LMBRD1: variants seen among roughly 807,000 people sequenced by gnomAD.
LMBRD1 encodes LMBR1 domain containing 1, also known as lysosomal cobalamin transport escort protein LMBD1.
LMBRD1 carries 64 observed loss-of-function variants against 74.8 expected under a neutral mutation model. That is an observed-to-expected ratio of 0.86 (90% CI 0.70 to 1.05). LMBRD1 has a LOEUF of 1.05. Among genes scored for constraint, LMBRD1 ranks in the 50% least tolerant of loss-of-function variants. The pLI is 0.00. For synonymous variants in LMBRD1, 204 were observed against 216.3 expected (o/e 0.94, Z 0.50); for missense variants, 652 against 645.9 (o/e 1.01, Z -0.10).
rs73485552 is a variant in LMBRD1 at position 69,732,199 on chromosome 6, C to T, written c.636+5743G>A. The stretch of plus-strand genomic sequence containing the variant: ...ACATGAACTGAATGTTTGTTTTCCC[C>T]TAAAATTCGTATGTTGAAATCTAAT... On this transcript the variant is annotated intron_variant, in intron 7 of 15. Coordinates refer to ENST00000649934, the MANE Select transcript of LMBRD1 (RefSeq NM_018368.4). Among the ~76,000 whole-genome samples the T allele has an allele frequency of 6.9e-3, 1,055 of 152,176 alleles. 15 individuals carry two copies. Among genetic ancestry groups the T allele is most frequent in the African/African-American group, 0.021 (882 of 41,514 alleles).
At chr6:69,689,873 G>A (rs1329581473) in intron 14 of LMBRD1, among the ~76,000 whole-genome samples, 1 of 152,004 alleles carries the variant, frequency 6.6e-6, no homozygotes, top group Non-Finnish European at 1.5e-5. Flanking sequence ...AGGTAAATCT[G>A]AAAAATAACG....
At chr6:69,727,764 C>T (rs1040411661) in intron 7 of LMBRD1, among the ~76,000 whole-genome samples, 4 of 151,288 alleles carry the variant, frequency 2.6e-5, no homozygotes, top group Non-Finnish European at 5.9e-5. Context: ...TTGAAAAATA[C>T]AAAGAATAAA....
At chr6:69,729,846 T>C (rs554280816) in intron 7 of LMBRD1, among the ~76,000 whole-genome samples, 1 of 152,010 alleles carries the variant, frequency 6.6e-6, no homozygotes, top group South Asian at 2.1e-4. Context: ...TATCAGGAAA[T>C]TTAACTACAA....
chr6:69,713,086 G>A (rs544934054), intron 9 of LMBRD1, among the ~76,000 whole-genome samples: 11 of 152,162 alleles, frequency 7.2e-5, no homozygotes, highest in Non-Finnish European at 1.5e-5. Context: ...AAACAAAAAT[G>A]TACACCAATA....
At chr6:69,744,126 A>G (rs1442926666) in intron 5 of LMBRD1, among the ~76,000 whole-genome samples, 2 of 152,240 alleles carry the variant, frequency 1.3e-5, no homozygotes, top group Admixed American at 1.3e-4. Flanking sequence ...AAAGTATACT[A>G]AATGAAATGG....
At chr6:69,796,033 C>T (rs369363800) in intron 1 of LMBRD1, among the ~76,000 whole-genome samples, 47 of 152,250 alleles carry the variant, frequency 3.1e-4, no homozygotes, top group African/African-American at 1.1e-3. Context: ...AATTGAACTC[C>T]CAAATAAACC....
intron 14 of LMBRD1, among the ~76,000 whole-genome samples, chr6:69,681,196 T>C (rs987369909): frequency 2.0e-5 from 3 of 151,766 alleles, no homozygotes; most frequent in Admixed American, 6.6e-5. Flanking sequence ...AAAGTGGCCA[T>C]ACAAAAAAGA....
intron 3 of LMBRD1, 101 bp downstream of exon 3, chr6:69,780,391 TAA>T: frequency 1.2e-6 from 1 of 851,078 alleles, no homozygotes; most frequent in Admixed American, 1.8e-5. Context: ...CATTTTTTTC[TAA>T]TTCGACCCAA....
In LMBRD1 at chr6:69,699,646, A is replaced by G. The variant is rs559067141; in HGVS notation, c.1189-454T>C. ...TATGAAAAACTCTGATAATCTTACT[A>G]AAGAGCTTTTCACATTTATCTATAC... On this transcript the variant is annotated intron_variant, in intron 12 of 15. Coordinates refer to ENST00000649934, the MANE Select transcript of LMBRD1 (RefSeq NM_018368.4). Among the ~76,000 whole-genome samples the G allele has an allele frequency of 8.6e-5, 13 of 151,986 alleles. No homozygotes were observed. The South Asian group carries it at 2.7e-3, about 32-fold the overall frequency.
At chr6:69,732,364 TGA>T in intron 7 of LMBRD1, among the ~76,000 whole-genome samples, 1 of 152,244 alleles carries the variant, frequency 6.6e-6, no homozygotes, top group South Asian at 2.1e-4. Flanking sequence ...CTTTATCATA[TGA>T]GCATAGAATG....
rs534631790 is a variant in LMBRD1, at chr6:69,676,676, A to C, written c.1418-135T>G. The C allele has an allele frequency of 6.7e-6, 5 of 751,346 alleles. No homozygotes were observed. The East Asian group carries it at 1.1e-4, about 16-fold the overall frequency. The allele number at this position is 751,346 out of a possible 1,614,324, so 46.5% of individuals were successfully genotyped here. A position where few individuals can be genotyped will look rare whatever the true frequency, so the allele number is the denominator to read the frequency against. On this transcript the variant is annotated intron_variant, in intron 14 of 15. Transcript: ENST00000649934. ...CTAGTAAGTGTCAGAGATGGTACTGAAACTTAGGTCTCTCTCCAAAGCCCA... is the reference window on the plus strand; with the variant it reads ...CTAGTAAGTGTCAGAGATGGTACTGCAACTTAGGTCTCTCTCCAAAGCCCA...
chr6:69,770,941 G>A (rs1173556666), intron 3 of LMBRD1, among the ~76,000 whole-genome samples: 2 of 152,140 alleles, frequency 1.3e-5, no homozygotes, highest in East Asian at 3.8e-4. Flanking sequence ...GTAAATAACT[G>A]GAAGAAAAGC....
chr6:69,678,887 A>G (rs1230056274), intron 14 of LMBRD1, among the ~76,000 whole-genome samples: 1 of 152,040 alleles, frequency 6.6e-6, no homozygotes, highest in African/African-American at 2.4e-5. Context: ...ATATTTTATC[A>G]ACATATAAGA....
intron 2 of LMBRD1, 73 bp downstream of exon 2, chr6:69,790,223 A>AAT: frequency 1.0e-6 from 1 of 981,766 alleles, no homozygotes; most frequent in Non-Finnish European, 1.6e-6. Flanking sequence ...AATAAAACAC[A>AAT]ATATGTATCG....
At chr6:69,792,576 A>C (rs1392505908) in intron 1 of LMBRD1, among the ~76,000 whole-genome samples, 1 of 152,230 alleles carries the variant, frequency 6.6e-6, no homozygotes. Flanking sequence ...CAAACAAACA[A>C]AAAGGATCTA....
intron 3 of LMBRD1, among the ~76,000 whole-genome samples, chr6:69,767,444 A>G (rs940861247): frequency 2.0e-5 from 3 of 151,772 alleles, no homozygotes; most frequent in Non-Finnish European, 4.4e-5. Flanking sequence ...TTGTGATTTC[A>G]TCTTGATCCA....
chr6:69,724,090 T>C (rs78852026), intron 7 of LMBRD1, among the ~76,000 whole-genome samples: 1,619 of 151,968 alleles, frequency 0.011, 8 homozygotes, highest in Non-Finnish European at 0.015. Context: ...ACATACAACC[T>C]ACCAAACTTG....
chr6:69,741,968 A>C, intron 5 of LMBRD1, 91 bp from the exon 6 acceptor site: 1 of 767,462 alleles, frequency 1.3e-6, no homozygotes, highest in Non-Finnish European at 2.2e-6. Context: ...CTCCAAAACA[A>C]TAAATAAATA....
At chr6:69,768,811 T>C (rs1484958456) in intron 3 of LMBRD1, among the ~76,000 whole-genome samples, 1 of 152,128 alleles carries the variant, frequency 6.6e-6, no homozygotes, top group Admixed American at 6.6e-5. Context: ...CTATTCCACC[T>C]TCATTTTTAG....
Sources: gnomAD v4.1 joint callset for allele counts (sites outside exome capture counted in the v4.1 genomes callset) on GRCh38, gnomAD v4.1.1 for gene constraint, MANE v1.5 for transcripts, NCBI Gene and HGNC (gene_info 2026-07-23, HGNC 2026-07-21) for gene names.